The following DYNC2H1 variants were observed in gnomAD, a reference collection of about 807,000 sequenced individuals.
DYNC2H1 encodes the protein dynein cytoplasmic 2 heavy chain 1, also known as cytoplasmic dynein 2 heavy chain 1.
A neutral mutation model predicts 570.0 loss-of-function variants in DYNC2H1; 410 were observed. The observed-to-expected ratio is 0.72, with a 90% CI of 0.66 to 0.78. DYNC2H1 has a LOEUF of 0.78. DYNC2H1 is among the 30% of genes least tolerant of loss of function. The probability of loss-of-function intolerance (pLI) is 0.00; values close to 1 mark genes in which losing one functional copy is unlikely to be tolerated. For synonymous variants in DYNC2H1, 1,688 were observed against 1,677.6 expected, an observed-to-expected ratio of 1.01 and a Z score of -0.15; for missense variants, 4,865 against 5,046.4, an observed-to-expected ratio of 0.96 and a Z score of 1.09.
chr11:103,256,551 G>C lies in DYNC2H1; in HGVS notation c.10461+311G>C, dbSNP rs551150876. 1.1e-4 allele frequency among the ~76,000 whole-genome samples: 16 copies of C among 152,142 alleles called. No individual in the cohort carries two copies. The highest frequency in any genetic ancestry group is 2.4e-4 in the Non-Finnish European group (16 of 68,012). On this transcript the variant is annotated intron_variant, in intron 68 of 88. Transcript: ENST00000375735. The surrounding 1 kb of genome is among the most constrained non-coding windows in gnomAD (Gnocchi z 4.0). ...ATGAGTATATTGAAAATGAGTATTAGAGAATATCTTTGCCGTTCTTAGAAC... is the reference window on the plus strand; with the variant it reads ...ATGAGTATATTGAAAATGAGTATTACAGAATATCTTTGCCGTTCTTAGAAC...
At chr11:103,240,089 ATTTATGC>A (rs1411048343) in intron 63 of DYNC2H1, among the ~76,000 whole-genome samples, 1 of 152,132 alleles carries the variant, frequency 6.6e-6, no homozygotes, top group Non-Finnish European at 1.5e-5. Flanking sequence ...AAAACTAGCA[ATTTATGC>A]TTTTAAATAG....
intron 29 of DYNC2H1, among the ~76,000 whole-genome samples, chr11:103,162,805 A>G (rs1421324184): frequency 6.6e-6 from 1 of 152,202 alleles, no homozygotes; most frequent in East Asian, 1.9e-4. Context: ...AAGAGGTGAA[A>G]AAATTGTTTT....
chr11:103,139,527 G>GA (rs1859776681), intron 17 of DYNC2H1, among the ~76,000 whole-genome samples: 19 of 149,724 alleles, frequency 1.3e-4, no homozygotes. Flanking sequence ...GAGCGGTTTT[G>GA]AGTGAGTTTC....
rs1433735519 is a variant in DYNC2H1, at chr11:103,461,796, A to G, written c.12648+5440A>G. On this transcript the variant is annotated intron_variant, in intron 87 of 88. Transcript: ENST00000375735. The surrounding 1 kb of genome is among the most constrained non-coding windows in gnomAD (Gnocchi z 4.8). ...TTTAAACAAATACAGAAGAGAGAGTAGTAAAATGAGTCTGCATATTTCAAG... is the reference window on the plus strand; with the variant it reads ...TTTAAACAAATACAGAAGAGAGAGTGGTAAAATGAGTCTGCATATTTCAAG... 6.6e-6 allele frequency among the ~76,000 whole-genome samples: 1 copy of G among 151,874 alleles called. No individual in the cohort carries two copies. The highest frequency in any genetic ancestry group is 1.5e-5 in the Non-Finnish European group (1 of 67,986).
intron 84 of DYNC2H1, among the ~76,000 whole-genome samples, chr11:103,423,769 G>T (rs1212531234): frequency 6.6e-6 from 1 of 151,894 alleles, no homozygotes; most frequent in Non-Finnish European, 1.5e-5. Context: ...AAAAAAAATT[G>T]TATAGATATT....
At chr11:103,136,904 T>G (rs1305658910) in intron 17 of DYNC2H1, among the ~76,000 whole-genome samples, 2 of 151,814 alleles carry the variant, frequency 1.3e-5, no homozygotes, top group Non-Finnish European at 3.0e-5. Flanking sequence ...CCTGACTTTT[T>G]AATGATTGCC....
chr11:103,114,052 G>T (rs1858248852), intron 2 of DYNC2H1, 51 bp from the exon 3 acceptor site: 2 of 1,584,268 alleles, frequency 1.3e-6, no homozygotes, highest in Admixed American at 3.6e-5. Context: ...AAGCCAATTT[G>T]ATTAGCAAAA....
chr11:103,203,618 A>G lies in DYNC2H1; in HGVS notation c.8198-45A>G. On this transcript the variant is annotated intron_variant, in intron 50 of 88. Transcript: ENST00000375735. This position sits in a 1 kb window ranked among gnomAD's most constrained non-coding sequence, Gnocchi z 4.7. ...TTTTAAATACAAAAATTGAAAAAGC[A>G]TCATTTATTAAAATGTTTTCAATTA... The G allele has an allele frequency of 8.0e-7, 1 of 1,255,136 alleles. No homozygotes were observed. Among genetic ancestry groups the G allele is most frequent in the Non-Finnish European group, 1.1e-6 (1 of 904,114 alleles). The allele number at this position is 1,255,136 out of a possible 1,614,324, so 77.7% of individuals were successfully genotyped here. A position where few individuals can be genotyped will look rare whatever the true frequency, so the allele number is the denominator to read the frequency against.
chr11:103,201,043 T>C lies in DYNC2H1; in HGVS notation c.8197+889T>C, dbSNP rs547405157. 1.3e-5 allele frequency among the ~76,000 whole-genome samples: 2 copies of C among 152,234 alleles called. No individual in the cohort carries two copies. Among genetic ancestry groups the C allele is most frequent in the Non-Finnish European group, 2.9e-5 (2 of 68,012 alleles). ...GGTTTCACCATGTTGGCCAGGATGGTCTCGAACTCCTGACTTCAGGTGATC... is the reference window on the plus strand; with the variant it reads ...GGTTTCACCATGTTGGCCAGGATGGCCTCGAACTCCTGACTTCAGGTGATC... On this transcript the variant is annotated intron_variant, in intron 50 of 88. Transcript: ENST00000375735. This position sits in a 1 kb window ranked among gnomAD's most constrained non-coding sequence, Gnocchi z 4.8.
intron 83 of DYNC2H1, among the ~76,000 whole-genome samples, chr11:103,377,362 C>T (rs1352002037): frequency 6.6e-6 from 1 of 151,954 alleles, no homozygotes; most frequent in Non-Finnish European, 1.5e-5. Context: ...TCTTCAAGTT[C>T]AGAGACTCTT....
chr11:103,440,495 C>T (rs115268568), intron 85 of DYNC2H1, among the ~76,000 whole-genome samples: 1 of 152,094 alleles, frequency 6.6e-6, no homozygotes, highest in African/African-American at 2.4e-5. Flanking sequence ...ACCCTTCATT[C>T]TTATGACAGA....
intron 12 of DYNC2H1, among the ~76,000 whole-genome samples, chr11:103,128,097 A>C (rs1230958193): frequency 1.3e-5 from 2 of 152,222 alleles, no homozygotes; most frequent in African/African-American, 4.8e-5. Flanking sequence ...TTCTAGAAGG[A>C]AGCCTCACTT....
intron 69 of DYNC2H1, among the ~76,000 whole-genome samples, chr11:103,259,595 G>A (rs1865188755): frequency 6.6e-6 from 1 of 152,074 alleles, no homozygotes; most frequent in African/African-American, 2.4e-5. Flanking sequence ...GATTGATGTA[G>A]ATAGTATTTT....
intron 70 of DYNC2H1, among the ~76,000 whole-genome samples, chr11:103,278,572 T>C (rs1041280136): frequency 6.6e-6 from 1 of 151,380 alleles, no homozygotes; most frequent in Non-Finnish European, 1.5e-5. Context: ...GGTTCTTTTT[T>C]CTTTTTTTTG....
At chr11:103,223,688 G>C (rs1035086989) in intron 59 of DYNC2H1, among the ~76,000 whole-genome samples, 1 of 151,480 alleles carries the variant, frequency 6.6e-6, no homozygotes, top group Non-Finnish European at 1.5e-5. Context: ...GCCTGGCCAA[G>C]GAATAATGTT....
intron 85 of DYNC2H1, among the ~76,000 whole-genome samples, chr11:103,436,633 A>T (rs1216501378): frequency 6.6e-6 from 1 of 152,058 alleles, no homozygotes; most frequent in African/African-American, 2.4e-5. Flanking sequence ...GATCTTCTCA[A>T]TGCAGCACTC....
chr11:103,424,478 C>G (rs1056155400), intron 84 of DYNC2H1, among the ~76,000 whole-genome samples: 1 of 151,936 alleles, frequency 6.6e-6, no homozygotes, highest in Non-Finnish European at 1.5e-5. Flanking sequence ...CCAAGAGAAA[C>G]GAAAGCATAT....
rs2134829810 is a variant in DYNC2H1, at chr11:103,143,292, GATA to G, written c.2600_2602del (p.Asp867_Met868delinsVal). On this transcript the variant is annotated inframe_deletion, in exon 18 of 89. Coordinates refer to ENST00000375735, the MANE Select transcript of DYNC2H1 (RefSeq NM_001377.3). ...GGAATGGATTGTAATTGGGCAAGTTGATATGGAAGCTCTGGTGGAAAAGCATCT... is the reference window on the plus strand; with the variant it reads ...GGAATGGATTGTAATTGGGCAAGTTGTGGAAGCTCTGGTGGAAAAGCATCT... The G allele has an allele frequency of 6.2e-7, 1 of 1,613,388 alleles. No individual in the cohort carries two copies. Among genetic ancestry groups the G allele is most frequent in the Admixed American group, 1.7e-5 (1 of 60,006 alleles).
chr11:103,467,631 G>A lies in DYNC2H1; in HGVS notation c.12649-958G>A, dbSNP rs538570919. ...CGGCTCACTGCAAGCTCCGCTTCCC[G>A]GATTCACTCCATTCTCCTGCCTCCG... On this transcript the variant is annotated intron_variant, in intron 87 of 88. Transcript: ENST00000375735. 6.6e-5 allele frequency among the ~76,000 whole-genome samples: 10 copies of A among 152,186 alleles called. No homozygotes were observed. The East Asian group carries it at 9.7e-4, about 15-fold the overall frequency.
Sources: allele counts gnomAD v4.1 joint callset (sites outside exome capture counted in the v4.1 genomes callset), GRCh38; gene constraint gnomAD v4.1.1; non-coding constraint Gnocchi (gnomAD v3.1); transcripts MANE v1.5; gene names NCBI Gene and HGNC (gene_info 2026-07-23, HGNC 2026-07-21).